The following TRMU variants were observed in gnomAD, a reference collection of about 807,000 sequenced individuals.
TRMU encodes the protein tRNA mitochondrial 2-thiouridylase, also known as mitochondrial tRNA-specific 2-thiouridylase 1.
A neutral mutation model predicts 46.9 loss-of-function variants in TRMU; 49 were observed. The ratio of observed to expected loss-of-function variants is 1.05; its 90% CI spans 0.83 to 1.33. TRMU has a LOEUF of 1.33. Ranked by LOEUF, TRMU falls within the 40% of genes most tolerant of loss-of-function variation. TRMU has a pLI of 0.00. For missense variants in TRMU, 572 were observed against 532.4 expected, an observed-to-expected ratio of 1.07 and a Z score of -0.73; for synonymous variants, 241 against 200.9, an observed-to-expected ratio of 1.20 and a Z score of -1.69.
Position 46,355,839 on chromosome 22 carries a change from C to T in TRMU, c.1019-151C>T, listed in dbSNP as rs1601998374. On this transcript the variant is annotated intron_variant, in intron 9 of 10. Transcript: ENST00000645190. ...AGTGTGTACACTGCCCCGCAGTGTC[C>T]TGCTGCGTCCAGGGCCCAGGCTGGT... 4 of 1,041,514 alleles carry T rather than the reference C, an allele frequency of 3.8e-6. No individual in the cohort carries two copies. The East Asian group carries it at 1.0e-4, about 27-fold the overall frequency. The allele number at this position is 1,041,514 out of a possible 1,614,324, so 64.5% of individuals were successfully genotyped here. A position where few individuals can be genotyped will look rare whatever the true frequency, so the allele number is the denominator to read the frequency against.
rs918135430 is a variant in TRMU, at chr22:46,348,309, A to G, written c.478+1765A>G. 2.6e-5 allele frequency among the ~76,000 whole-genome samples: 4 copies of G among 152,180 alleles called. No individual in the cohort carries two copies. Among genetic ancestry groups the G allele is most frequent in the African/African-American group, 7.2e-5 (3 of 41,448 alleles). ...TATTATAGGCCACGTGCCCTCGGAA[A>G]CTTGGGACAGTACTGATGCGTTCTG... On this transcript the variant is annotated intron_variant, in intron 4 of 10. Transcript: ENST00000645190. The surrounding 1 kb of genome is among the most constrained non-coding windows in gnomAD (Gnocchi z 4.8).
Position 46,349,470 on chromosome 22 carries a change from G to A in TRMU, c.479-821G>A, listed in dbSNP as rs2078348025. On this transcript the variant is annotated intron_variant, in intron 4 of 10. Coordinates refer to ENST00000645190, the MANE Select transcript of TRMU (RefSeq NM_018006.5). The surrounding 1 kb of genome is among the most constrained non-coding windows in gnomAD (Gnocchi z 4.6). The stretch of plus-strand genomic sequence containing the variant: ...GGCTCTGCCAAGCCAGGAAGGGTAG[G>A]TGTGCTGTCTGACCGTCACGGCATG... Among the ~76,000 whole-genome samples, 1 of 152,244 alleles carries A rather than the reference G, an allele frequency of 6.6e-6. No individual in the cohort carries two copies. Among genetic ancestry groups the A allele is most frequent in the Non-Finnish European group, 1.5e-5 (1 of 68,046 alleles).
chr22:46,343,390 C>T, intron 3 of TRMU, 22 bp downstream of exon 3: 3 of 1,570,190 alleles, frequency 1.9e-6, no homozygotes, highest in Non-Finnish European at 2.6e-6. Context: ...GGGTTTAAAA[C>T]ATTTTTTTTT....
chr22:46,353,635 T>A lies in TRMU; in HGVS notation c.773-132T>A, dbSNP rs1189289137. The A allele has an allele frequency of 3.8e-6, 3 of 798,318 alleles. No homozygotes were observed. In the African/African-American group the frequency reaches 5.1e-5, roughly 14 times the overall value. The allele number at this position is 798,318 out of a possible 1,614,324, so 49.5% of individuals were successfully genotyped here. A position where few individuals can be genotyped will look rare whatever the true frequency, so the allele number is the denominator to read the frequency against. On this transcript the variant is annotated intron_variant, in intron 7 of 10. Transcript: ENST00000645190. ...GCTGGCTTTGGTGGTTGGAGAATCG[T>A]ATCTTCCTAGTGAGTTACACCATTG...
Position 46,357,339 on chromosome 22 carries a change from C to A in TRMU, c.*333C>A. On this transcript the variant is annotated 3_prime_UTR_variant, in exon 11 of 11. Coordinates refer to ENST00000645190, the MANE Select transcript of TRMU (RefSeq NM_018006.5). ...CGTGGAATAAACATTATTTCAAGGA[C>A]ACATAGTCTGATCGCTGCTTCCACT... is the stretch of plus-strand genomic sequence containing the variant. The A allele has an allele frequency of 2.4e-6, 1 of 408,474 alleles. No individual in the cohort carries two copies. The allele number at this position is 408,474 out of a possible 1,614,324, so 25.3% of individuals were successfully genotyped here. A position where few individuals can be genotyped will look rare whatever the true frequency, so the allele number is the denominator to read the frequency against.
intron 7 of TRMU, 98 bp from the exon 8 acceptor site, chr22:46,353,669 G>T: frequency 9.0e-7 from 1 of 1,116,422 alleles, no homozygotes; most frequent in Non-Finnish European, 1.4e-6. Context: ...TGCTGGGCCT[G>T]CTCTGGGCTG....
chr22:46,352,452 C>A, intron 7 of TRMU, 122 bp downstream of exon 7: 2 of 1,272,460 alleles, frequency 1.6e-6, no homozygotes, highest in Non-Finnish European at 2.3e-6. Context: ...GTAGAAGGCT[C>A]TGTGGGGCGG....
At chr22:46,353,658 T>G in intron 7 of TRMU, 109 bp from the exon 8 acceptor site, 2 of 980,960 alleles carry the variant, frequency 2.0e-6, no homozygotes, top group Non-Finnish European at 3.3e-6. Context: ...AGTTACACCA[T>G]TGCTGGGCCT....
chr22:46,352,190 T>C lies in TRMU; in HGVS notation c.705+16T>C, dbSNP rs191928274. 6.2e-5 allele frequency: 100 copies of C among 1,614,250 alleles called. No homozygotes were observed. In the African/African-American group the frequency reaches 1.1e-3, roughly 17 times the overall value. On this transcript the variant is annotated intron_variant, in intron 6 of 10. Coordinates refer to ENST00000645190, the MANE Select transcript of TRMU (RefSeq NM_018006.5). The stretch of plus-strand genomic sequence containing the variant: ...CCTTCTTCAGGTGCGTGCTGCTCTT[T>C]GACACAAAGAGATGGGGCTGCGTGT...
Position 46,350,033 on chromosome 22 carries a change from T to A in TRMU, c.479-258T>A, listed in dbSNP as rs1055756989. Among the ~76,000 whole-genome samples, 3 of 152,106 alleles carry A rather than the reference T, an allele frequency of 2.0e-5. No individual in the cohort carries two copies. The highest frequency in any genetic ancestry group is 7.2e-5 in the African/African-American group (3 of 41,522). On this transcript the variant is annotated intron_variant, in intron 4 of 10. Coordinates refer to ENST00000645190, the MANE Select transcript of TRMU (RefSeq NM_018006.5). The surrounding 1 kb of genome is among the most constrained non-coding windows in gnomAD (Gnocchi z 4.6). Reference sequence around the variant, plus strand: ...GAACATTTTTTCATGTGATGTTTCATCTTTGAAAATATTATAATCTGAAGT... The same window carrying A: ...GAACATTTTTTCATGTGATGTTTCAACTTTGAAAATATTATAATCTGAAGT...
chr22:46,342,153 C>G lies in TRMU; in HGVS notation c.249-1109C>G, dbSNP rs997810397. 6.6e-6 allele frequency among the ~76,000 whole-genome samples: 1 copy of G among 152,208 alleles called. No individual in the cohort carries two copies. Among genetic ancestry groups the G allele is most frequent in the Non-Finnish European group, 1.5e-5 (1 of 68,042 alleles). The stretch of plus-strand genomic sequence containing the variant: ...TTCAGTCCCCCAGACGGACTCCCCC[C>G]ACAACAGCAGTCGAAAGTATGGGCC... On this transcript the variant is annotated intron_variant, in intron 2 of 10. Transcript: ENST00000645190. This position sits in a 1 kb window ranked among gnomAD's most constrained non-coding sequence, Gnocchi z 4.7.
Position 46,356,091 on chromosome 22 carries a change from T to TG in TRMU, c.1101+20dup, listed in dbSNP as rs1213730936. On this transcript the variant is annotated intron_variant, in intron 10 of 10. Transcript: ENST00000645190. ...AGGACAGGTGCGTGGGGTGTGGGGGTGAGCCCGGGGAGGACTGTACTGCTC... is the reference window on the plus strand; with the variant it reads ...AGGACAGGTGCGTGGGGTGTGGGGGTGGAGCCCGGGGAGGACTGTACTGCTC... 117 of 1,613,236 alleles carry TG rather than the reference T, an allele frequency of 7.3e-5. No homozygotes were observed. The highest frequency in any genetic ancestry group is 9.6e-5 in the Non-Finnish European group (113 of 1,179,740).
In TRMU at chr22:46,351,891, G is replaced by A. The variant is rs367708560; in HGVS notation, c.652-230G>A. 9.4e-6 allele frequency: 6 copies of A among 640,286 alleles called. No individual in the cohort carries two copies. Among genetic ancestry groups the A allele is most frequent in the East Asian group, 5.4e-5 (2 of 37,228 alleles). The allele number at this position is 640,286 out of a possible 1,614,324, so 39.7% of individuals were successfully genotyped here. ...GGCAGCTGGTGTGAGGGTCTCCCGC[G>A]CAGGGTCAGACCCCGCGGGCCGAGA... On this transcript the variant is annotated intron_variant, in intron 5 of 10. Coordinates refer to ENST00000645190, the MANE Select transcript of TRMU (RefSeq NM_018006.5). This position sits in a 1 kb window ranked among gnomAD's most constrained non-coding sequence, Gnocchi z 6.4.
At position 46,346,433 on chromosome 22, in the gene TRMU, A is replaced by G; in HGVS notation, c.367A>G (p.Ile123Val). 1.9e-6 allele frequency: 3 copies of G among 1,613,184 alleles called. No homozygotes were observed. Among genetic ancestry groups the G allele is most frequent in the Non-Finnish European group, 2.5e-6 (3 of 1,179,344 alleles). The change falls in exon 4 of 11, where the codon ATT (isoleucine) becomes GTT (valine). Residue 123 changes from isoleucine to valine, a missense_variant. Physicochemically the swap from Ile to Val is conservative, Grantham distance 29 (BLOSUM62 3). Coordinates refer to ENST00000645190, the MANE Select transcript of TRMU (RefSeq NM_018006.5). ...TAAAAACCTCACAGGGGCAGATGCC[A>G]TTGCCACAGGTCACTATGCAAGAAC... is the stretch of plus-strand genomic sequence containing the variant. ...YAVDNLGADA[I>V]ATGHYARTSL...
rs1045811922 is a variant in TRMU at position 46,349,984 on chromosome 22, T to G, written c.479-307T>G. Among the ~76,000 whole-genome samples the G allele has an allele frequency of 1.3e-5, 2 of 152,120 alleles. No individual in the cohort carries two copies. Among genetic ancestry groups the G allele is most frequent in the Admixed American group, 6.5e-5 (1 of 15,276 alleles). On this transcript the variant is annotated intron_variant, in intron 4 of 10. Transcript: ENST00000645190. This position sits in a 1 kb window ranked among gnomAD's most constrained non-coding sequence, Gnocchi z 4.6. ...TTGGCTGAATTTATTTTAGGTGTTT[T>G]TTTTTTTTTTTCTTATCACTTGAGA...
intron 7 of TRMU, 26 bp from the exon 8 acceptor site, chr22:46,353,741 C>T (rs368365170): frequency 1.2e-6 from 2 of 1,609,750 alleles, no homozygotes; most frequent in Non-Finnish European, 1.7e-6. Flanking sequence ...GTTGCCCAGC[C>T]TCATGGAGAA....
chr22:46,356,903 C>T lies in TRMU; in HGVS notation c.1163C>T (p.Pro388Leu), dbSNP rs199943967. ...AGCGGGAAGATCCTGCGGCTGGGGC[C>T]GTCTGCCTACACGCTCCAGAAGGGC... ...LGSGKILRLGPSAYTLQKGQR... is the reference protein window; with the variant it reads ...LGSGKILRLGLSAYTLQKGQR... Residue 388 changes from proline (P) to leucine (L), a missense_variant, in exon 11 of 11, where the codon CCG becomes CTG. By Grantham distance (98) the Pro-to-Leu change is moderately conservative. Transcript: ENST00000645190. 2.0e-5 allele frequency: 32 copies of T among 1,613,312 alleles called. No homozygotes were observed. The highest frequency in any genetic ancestry group is 5.3e-5 in the African/African-American group (4 of 75,058).
chr22:46,353,449 G>C (rs6008772), intron 7 of TRMU: 2 of 365,750 alleles, frequency 5.5e-6, no homozygotes, highest in African/African-American at 2.1e-5. Flanking sequence ...GGCCCCTGGC[G>C]TCACACAGGG....
Position 46,356,463 on chromosome 22 carries a change from A to AG in TRMU, c.1102-375dup, listed in dbSNP as rs1383685783. 2.2e-5 allele frequency: 9 copies of AG among 412,258 alleles called. No homozygotes were observed. The South Asian group carries it at 2.5e-4, about 11-fold the overall frequency. The allele number at this position is 412,258 out of a possible 1,614,324, so 25.5% of individuals were successfully genotyped here. ...GTGGGTGTAGGCCTGAGGAATCTCC[A>AG]GGGGCAGGTGGTGGGAGGGAACCTG... is the stretch of plus-strand genomic sequence containing the variant. On this transcript the variant is annotated intron_variant, in intron 10 of 10. Coordinates refer to ENST00000645190, the MANE Select transcript of TRMU (RefSeq NM_018006.5).
Sources: gnomAD v4.1 joint callset for allele counts (sites outside exome capture counted in the v4.1 genomes callset) on GRCh38, gnomAD v4.1.1 for gene constraint, Gnocchi (gnomAD v3.1) non-coding constraint, MANE v1.5 for transcripts, NCBI Gene and HGNC (gene_info 2026-07-23, HGNC 2026-07-21) for gene names.